Variants in STPG2 observed in about 807,000 individuals in gnomAD.
STPG2 encodes the protein sperm-tail PG-rich repeat-containing protein 2.
Under a neutral mutation model 54.2 loss-of-function variants are expected in STPG2, and 56 were observed. That is an observed-to-expected ratio of 1.03 (90% CI 0.83 to 1.29). The LOEUF (loss-of-function observed/expected upper bound fraction) is 1.29, where lower values mean the gene tolerates loss of function less well. Ranked by LOEUF, STPG2 falls within the 50% of genes most tolerant of loss-of-function variation. The pLI is 0.00. For synonymous variants in STPG2, 200 were observed against 181.8 expected (o/e 1.10, Z -0.81); for missense variants, 596 against 544.9 (o/e 1.09, Z -0.93).
chr4:97,790,675 G>C (rs187327874), intron 9 of STPG2, among the ~76,000 whole-genome samples: 6 of 152,038 alleles, frequency 3.9e-5, no homozygotes, highest in African/African-American at 1.4e-4. Flanking sequence ...AGCTTCTCTC[G>C]TGTTTTCAAT....
chr4:98,103,219 C>A (rs1284462717), intron 5 of STPG2, among the ~76,000 whole-genome samples: 1 of 152,048 alleles, frequency 6.6e-6, no homozygotes, highest in Non-Finnish European at 1.5e-5. Flanking sequence ...CCCATAATTT[C>A]ACCACTTTGA....
rs180839165 is a variant in STPG2, at chr4:98,105,376, G to A, written c.612+577C>T. 1.5e-3 allele frequency among the ~76,000 whole-genome samples: 223 copies of A among 152,256 alleles called. 1 individual carries two copies. The highest frequency in any genetic ancestry group is 4.1e-3 in the African/African-American group (169 of 41,560). ...CAAGCAAGGTAGCTGCAAGGACCCT[G>A]CAAGGACCCACTTGTGTCCTTGATT... On this transcript the variant is annotated intron_variant, in intron 5 of 10. Transcript: ENST00000295268.
At chr4:97,993,771 T>C (rs1245768718) in intron 5 of STPG2, among the ~76,000 whole-genome samples, 1 of 152,178 alleles carries the variant, frequency 6.6e-6, no homozygotes, top group East Asian at 1.9e-4. Flanking sequence ...CTGCTTGTTA[T>C]TGGTCTGTTC....
chr4:97,915,806 T>C (rs1277262622), intron 8 of STPG2, among the ~76,000 whole-genome samples: 1 of 152,032 alleles, frequency 6.6e-6, no homozygotes, highest in Non-Finnish European at 1.5e-5. Context: ...AACTCCACCA[T>C]CAGGCAATGG....
chr4:98,082,703 C>T (rs907424100), intron 5 of STPG2, among the ~76,000 whole-genome samples: 2 of 151,810 alleles, frequency 1.3e-5, no homozygotes, highest in Non-Finnish European at 2.9e-5. Flanking sequence ...CCGCCTGCCT[C>T]GGCCTCCCAA....
In STPG2 at chr4:97,885,746, G is replaced by T. The variant is rs77426282; in HGVS notation, c.1045-44814C>A. On this transcript the variant is annotated intron_variant, in intron 8 of 10. Coordinates refer to ENST00000295268, the MANE Select transcript of STPG2 (RefSeq NM_174952.3). Reference sequence around the variant, plus strand: ...ATAGTTTCTGGAAGGTCAGTTGTGGGAATTGTGTATCCATGGACGTTGGTA... The same window carrying T: ...ATAGTTTCTGGAAGGTCAGTTGTGGTAATTGTGTATCCATGGACGTTGGTA... 7.1e-3 allele frequency among the ~76,000 whole-genome samples: 1,080 copies of T among 152,226 alleles called. 13 individuals are homozygous for T. The highest frequency in any genetic ancestry group is 0.024 in the African/African-American group (1,012 of 41,558).
At chr4:98,077,268 G>A (rs1056854391) in intron 5 of STPG2, among the ~76,000 whole-genome samples, 22 of 142,760 alleles carry the variant, frequency 1.5e-4, no homozygotes, top group African/African-American at 6.2e-4. Flanking sequence ...GTTGGAGACA[G>A]AGTCCCCCTC....
intron 5 of STPG2, among the ~76,000 whole-genome samples, chr4:98,032,325 G>A (rs1164205534): frequency 6.6e-6 from 1 of 152,076 alleles, no homozygotes; most frequent in Non-Finnish European, 1.5e-5. Flanking sequence ...AAATGCCTAT[G>A]AATCAACGAG....
intron 8 of STPG2, among the ~76,000 whole-genome samples, chr4:97,927,069 T>G (rs1341743062): frequency 6.6e-6 from 1 of 152,114 alleles, no homozygotes. Flanking sequence ...GGAGCTGAGA[T>G]TTAAAAAGTA....
chr4:97,780,685 A>G (rs995407291), intron 9 of STPG2, among the ~76,000 whole-genome samples: 32 of 148,840 alleles, frequency 2.1e-4, no homozygotes, highest in African/African-American at 7.5e-4. Context: ...TTGGAAGTAA[A>G]GCACTTCTCA....
intron 10 of STPG2, among the ~76,000 whole-genome samples, chr4:97,708,583 T>G (rs1724021494): frequency 6.6e-6 from 1 of 151,910 alleles, no homozygotes; most frequent in African/African-American, 2.4e-5. Flanking sequence ...AAAACTATCT[T>G]TATAAGGCTA....
chr4:97,711,642 T>G (rs1037087802), intron 10 of STPG2, among the ~76,000 whole-genome samples: 2 of 151,942 alleles, frequency 1.3e-5, no homozygotes, highest in African/African-American at 4.8e-5. Context: ...AGTATTTAGA[T>G]TGTGACATTT....
intron 5 of STPG2, among the ~76,000 whole-genome samples, chr4:97,995,058 T>A (rs544266155): frequency 1.3e-5 from 2 of 152,094 alleles, no homozygotes; most frequent in South Asian, 4.2e-4. Flanking sequence ...CTTTGCTGCG[T>A]CACACAGGTC....
At chr4:97,963,906 T>A (rs1318114559) in intron 7 of STPG2, among the ~76,000 whole-genome samples, 1 of 152,144 alleles carries the variant, frequency 6.6e-6, no homozygotes, top group Non-Finnish European at 1.5e-5. Context: ...TTATATTTAA[T>A]GTTCTTAAAT....
chr4:97,873,055 AG>A (rs1730047835), intron 8 of STPG2, among the ~76,000 whole-genome samples: 1 of 151,390 alleles, frequency 6.6e-6, no homozygotes, highest in South Asian at 2.1e-4. Context: ...ACACAGAGCT[AG>A]GAAAAAATAA....
At chr4:97,595,976 G>A (rs566365329) in intron 10 of STPG2, among the ~76,000 whole-genome samples, 2 of 152,252 alleles carry the variant, frequency 1.3e-5, no homozygotes, top group East Asian at 1.9e-4. Flanking sequence ...AGACTGGCAA[G>A]TTCAATAAAG....
At chr4:98,105,051 AGTGTTCAAACT>A (rs1458773671) in intron 5 of STPG2, among the ~76,000 whole-genome samples, 1 of 152,226 alleles carries the variant, frequency 6.6e-6, no homozygotes, top group Non-Finnish European at 1.5e-5. Context: ...TACGCTGCTG[AGTGTTCAAACT>A]GTGTTCAAAT....
chr4:97,682,389 T>C (rs1560716873), intron 10 of STPG2, among the ~76,000 whole-genome samples: 1 of 151,784 alleles, frequency 6.6e-6, no homozygotes, highest in Non-Finnish European at 1.5e-5. Flanking sequence ...TTACAAAAAT[T>C]ACATCACAAA....
At chr4:97,591,488 G>T (rs1733145395) in intron 10 of STPG2, among the ~76,000 whole-genome samples, 1 of 152,146 alleles carries the variant, frequency 6.6e-6, no homozygotes, top group South Asian at 2.1e-4. Flanking sequence ...AAAAGGAAAG[G>T]AAGTTTTAGC....
Sources: allele counts gnomAD v4.1 joint callset (sites outside exome capture counted in the v4.1 genomes callset), GRCh38; gene constraint gnomAD v4.1.1; transcripts MANE v1.5; gene names NCBI Gene and HGNC (gene_info 2026-07-23, HGNC 2026-07-21).